The following PCDHA5 variants were observed in gnomAD, a reference collection of about 807,000 sequenced individuals.
PCDHA5 encodes the protein protocadherin alpha-5.
Under a neutral mutation model 61.6 loss-of-function variants are expected in PCDHA5, and 43 were observed. The observed-to-expected ratio is 0.70, with a 90% CI of 0.55 to 0.90. The LOEUF (loss-of-function observed/expected upper bound fraction) is 0.90. Ranked by LOEUF, PCDHA5 falls within the 40% of genes least tolerant of loss-of-function variation. The pLI is 0.00. For missense variants in PCDHA5, 1,298 were observed against 1,222.7 expected, an observed-to-expected ratio of 1.06 and a Z score of -0.92; for synonymous variants, 627 against 543.9, an observed-to-expected ratio of 1.15 and a Z score of -2.13.
At chr5:140,921,091 C>G (rs893367475) in intron 1 of PCDHA5, among the ~76,000 whole-genome samples, 1 of 152,022 alleles carries the variant, frequency 6.6e-6, no homozygotes, top group Admixed American at 6.5e-5. Flanking sequence ...GAGAATCCTC[C>G]TGCCTCAGTC....
chr5:140,838,018 T>TACAG (rs1484069937), intron 1 of PCDHA5, among the ~76,000 whole-genome samples: 1 of 151,286 alleles, frequency 6.6e-6, no homozygotes, highest in East Asian at 1.9e-4. Flanking sequence ...AAGAAGTGAT[T>TACAG]ACAGTAGAAA....
chr5:140,830,452 GA>G (rs2150186813), intron 1 of PCDHA5: 1 of 1,597,194 alleles, frequency 6.3e-7, no homozygotes, highest in Non-Finnish European at 8.5e-7. Flanking sequence ...GTAAGGCGGA[GA>G]ATCAGGATTT....
chr5:140,896,718 T>C (rs1331880145), intron 1 of PCDHA5, among the ~76,000 whole-genome samples: 1 of 152,138 alleles, frequency 6.6e-6, no homozygotes, highest in East Asian at 1.9e-4. Context: ...TTTTGCTTGT[T>C]AATTTGTTTA....
chr5:140,869,819 A>G, intron 1 of PCDHA5: 1 of 1,612,282 alleles, frequency 6.2e-7, no homozygotes, highest in Non-Finnish European at 8.5e-7. Context: ...AACGACAATG[A>G]TCCAGAGTTT....
intron 1 of PCDHA5, chr5:140,869,696 A>T: frequency 6.2e-7 from 1 of 1,613,472 alleles, no homozygotes; most frequent in Non-Finnish European, 8.5e-7. Context: ...ATTTTAAAGA[A>T]GTCTCTGGAT....
At chr5:140,863,799 G>C (rs1246230954) in intron 1 of PCDHA5, 1 of 212,342 alleles carries the variant, frequency 4.7e-6, no homozygotes, top group Non-Finnish European at 9.6e-6. Context: ...AGGAGTTTGA[G>C]ACCAGCCTGG....
chr5:140,988,021 T>C (rs2097278466), intron 3 of PCDHA5, among the ~76,000 whole-genome samples: 1 of 152,216 alleles, frequency 6.6e-6, no homozygotes. Context: ...AGCATGATTC[T>C]TAAGTTTTTT....
intron 3 of PCDHA5, among the ~76,000 whole-genome samples, chr5:141,008,031 T>C (rs566619568): frequency 1.3e-5 from 2 of 152,336 alleles, no homozygotes; most frequent in Admixed American, 6.5e-5. Flanking sequence ...TTCTTGTTAA[T>C]CTGCCTTTTG....
intron 1 of PCDHA5, among the ~76,000 whole-genome samples, chr5:140,878,601 T>A (rs1409343825): frequency 6.6e-6 from 1 of 152,224 alleles, no homozygotes; most frequent in African/African-American, 2.4e-5. Flanking sequence ...ACCAAGTGAA[T>A]CTTCTAATGT....
chr5:140,869,059 C>T (rs782790799), intron 1 of PCDHA5: 1 of 1,555,654 alleles, frequency 6.4e-7, no homozygotes, highest in East Asian at 2.2e-5. Context: ...GAATCTGGTA[C>T]TGTAAGTGTA....
rs149846721 is a variant in PCDHA5 at position 140,856,069 on chromosome 5, C to T, written c.2352+31942C>T. ...ATAAGATGGTTTCCAGATGTAGCTG[C>T]CTGGGGGTCCAGTGTCTGCTGCTCT... is the stretch of plus-strand genomic sequence containing the variant. On this transcript the variant is annotated intron_variant, in intron 1 of 3. Transcript: ENST00000529859. 2.1e-5 allele frequency: 33 copies of T among 1,591,484 alleles called. 2 individuals carry two copies. In the African/African-American group the frequency reaches 3.4e-4, roughly 16 times the overall value.
At chr5:140,895,481 A>G (rs1344099308) in intron 1 of PCDHA5, among the ~76,000 whole-genome samples, 1 of 152,168 alleles carries the variant, frequency 6.6e-6, no homozygotes, top group African/African-American at 2.4e-5. Flanking sequence ...CTTCGGAGAA[A>G]TACCTATTCA....
chr5:140,938,025 C>A (rs1431326044), intron 1 of PCDHA5, among the ~76,000 whole-genome samples: 5 of 151,978 alleles, frequency 3.3e-5, no homozygotes, highest in Non-Finnish European at 7.4e-5. Context: ...AGTAAAATCT[C>A]ATATTTTTAT....
intron 1 of PCDHA5, chr5:140,825,966 A>AG: frequency 6.6e-6 from 1 of 152,316 alleles, no homozygotes. Context: ...TACTCTTTTG[A>AG]GGGGAAAAGT....
intron 1 of PCDHA5, chr5:140,841,829 T>G: frequency 6.2e-7 from 1 of 1,613,898 alleles, no homozygotes; most frequent in Non-Finnish European, 8.5e-7. Context: ...CGTGTTAACC[T>G]ACAGGCTTAG....
At chr5:140,843,763 G>T in intron 1 of PCDHA5, 1 of 1,492,614 alleles carries the variant, frequency 6.7e-7, no homozygotes, top group Non-Finnish European at 9.2e-7. Flanking sequence ...TGTGGAAATT[G>T]TAGTTACTTT....
At chr5:140,843,631 G>T (rs2150363915) in intron 1 of PCDHA5, 1 of 1,595,994 alleles carries the variant, frequency 6.3e-7, no homozygotes, top group East Asian at 2.2e-5. Flanking sequence ...CGGACCTCAT[G>T]GCCTTCAGCC....
rs782329809 is a variant in PCDHA5 at position 140,857,982 on chromosome 5, G to A, written c.2352+33855G>A. 7 of 1,596,582 alleles carry A rather than the reference G, an allele frequency of 4.4e-6. 1 individual carries two copies. In the Admixed American group the frequency reaches 5.1e-5, roughly 12 times the overall value. ...GATGAGACTGACTCGCCACGCCAGC[G>A]CCTACTGGTGCTGGTGAAGGACCAT... On this transcript the variant is annotated intron_variant, in intron 1 of 3. Coordinates refer to ENST00000529859, the MANE Select transcript of PCDHA5 (RefSeq NM_018908.3).
intron 1 of PCDHA5, chr5:140,843,565 G>A (rs2150362787): frequency 6.3e-7 from 1 of 1,595,918 alleles, no homozygotes; most frequent in Admixed American, 1.7e-5. Context: ...TGGGGAGCTG[G>A]TCATACTCGC....
Sources: gnomAD v4.1 joint callset for allele counts (sites outside exome capture counted in the v4.1 genomes callset) on GRCh38, gnomAD v4.1.1 for gene constraint, MANE v1.5 for transcripts, NCBI Gene and HGNC (gene_info 2026-07-23, HGNC 2026-07-21) for gene names.